KIF1A: variants seen among roughly 807,000 people sequenced by gnomAD.
KIF1A encodes the protein kinesin-like protein KIF1A.
In KIF1A, 46 loss-of-function variants were observed where a neutral mutation model predicts 227.3. The observed-to-expected ratio is 0.20, with a 90% CI of 0.16 to 0.26. The LOEUF (loss-of-function observed/expected upper bound fraction) is 0.26. KIF1A is among the 10% of genes least tolerant of loss of function. KIF1A has a pLI of 1.00. For missense variants in KIF1A, 1,683 were observed against 2,485.9 expected (o/e 0.68, Z 6.87); for synonymous variants, 1,022 against 1,012.8 (o/e 1.01, Z -0.17).
At chr2:240,750,599 G>A in intron 27 of KIF1A, 52 bp from the exon 28 acceptor site, 1 of 1,326,950 alleles carries the variant, frequency 7.5e-7, no homozygotes, top group South Asian at 1.2e-5. Flanking sequence ...CGCATGTTCT[G>A]AACGGCAGCG....
chr2:240,766,863 TC>T lies in KIF1A; in HGVS notation c.1684+51del. 1 of 1,311,746 alleles carries T rather than the reference TC, an allele frequency of 7.6e-7. No homozygotes were observed. The highest frequency in any genetic ancestry group is 2.5e-5 in the East Asian group (1 of 40,814). 81.3% of individuals were successfully genotyped at this position (1,311,746 alleles called of 1,614,324 possible). On this transcript the variant is annotated intron_variant, in intron 19 of 48. Transcript: ENST00000498729. This position sits in a 1 kb window ranked among gnomAD's most constrained non-coding sequence, Gnocchi z 5.0. Reference sequence around the variant, plus strand: ...AGAGGGTGACCTCATTCAGGCCTGATCATCACGGCACAGGGGCATGGGTGCG... The same window carrying T: ...AGAGGGTGACCTCATTCAGGCCTGATATCACGGCACAGGGGCATGGGTGCG...
chr2:240,743,822 G>T, intron 33 of KIF1A, 120 bp downstream of exon 33: 1 of 664,086 alleles, frequency 1.5e-6, no homozygotes, highest in Non-Finnish European at 2.6e-6. Flanking sequence ...TCCTGGATGG[G>T]CAGGGGAGGT....
intron 1 of KIF1A, among the ~76,000 whole-genome samples, chr2:240,815,957 T>C (rs2058284293): frequency 6.6e-6 from 1 of 152,060 alleles, no homozygotes; most frequent in African/African-American, 2.4e-5. Context: ...CTATGACCAG[T>C]GTTCTCTGTC....
In KIF1A at chr2:240,773,133, A is replaced by T. The variant is rs747490578; in HGVS notation, c.1161T>A (p.Gly387=). The change falls in exon 13 of 49, where the codon GGT becomes GGA. Residue 387 remains glycine (G), a synonymous_variant. Coordinates refer to ENST00000498729, the MANE Select transcript of KIF1A (RefSeq NM_001244008.2). ...TRLRDLLYAQ[G]LGDITDTNTV... ...ACTCACTGTCAGTGATGTCGCCAAGACCCTGGGCGTACAGAAGGTCCCGCA... is the reference window on the plus strand; with the variant it reads ...ACTCACTGTCAGTGATGTCGCCAAGTCCCTGGGCGTACAGAAGGTCCCGCA... 1.4e-5 allele frequency: 23 copies of T among 1,613,318 alleles called. No individual in the cohort carries two copies.
intron 1 of KIF1A, 193 bp from the exon 2 acceptor site, chr2:240,798,005 TG>T: frequency 2.4e-6 from 1 of 414,730 alleles, no homozygotes; most frequent in South Asian, 4.8e-5. Flanking sequence ...GCGGGACCAG[TG>T]GAACCCAGCT....
upstream of KIF1A, among the ~76,000 whole-genome samples, chr2:240,820,526 C>T (rs1182188943): frequency 2.6e-5 from 4 of 151,808 alleles, no homozygotes; most frequent in Admixed American, 2.6e-4. This position sits in a 1 kb window ranked among gnomAD's most constrained non-coding sequence, Gnocchi z 6.2. Flanking sequence ...AGGGACCCGG[C>T]GGCGCCCCGT....
rs998528102 is a variant in KIF1A, at chr2:240,718,683, G to T, written c.5214+323C>A. Among the ~76,000 whole-genome samples, 2 of 152,226 alleles carry T rather than the reference G, an allele frequency of 1.3e-5. 1 individual carries two copies. The highest frequency in any genetic ancestry group is 2.9e-5 in the Non-Finnish European group (2 of 68,030). On this transcript the variant is annotated intron_variant, in intron 47 of 48. Coordinates refer to ENST00000498729, the MANE Select transcript of KIF1A (RefSeq NM_001244008.2). ...GTGGCTCGCCCATTCCTGCAGGGCT[G>T]GTGCCACCCACCTTGGGTGACTCCG...
intron 1 of KIF1A, among the ~76,000 whole-genome samples, chr2:240,803,644 G>C (rs2057158554): frequency 6.6e-6 from 1 of 152,130 alleles, no homozygotes. Context: ...AATGCAAAAG[G>C]GTAAACAGTT....
At position 240,766,936 on chromosome 2, in the gene KIF1A, C is replaced by T. The variant is rs375972461; in HGVS notation, c.1663G>A (p.Asp555Asn). The stretch of plus-strand genomic sequence containing the variant: ...ATACCTTCGCTGCCTCCCCTGGAGT[C>T]GCTCCGGAAGACGCAGTGCTCCTCC... ...IKEEHCVFRS[D>N]SRGGSEAVVT... Residue 555 changes from aspartate (D) to asparagine (N), a missense_variant, in exon 19 of 49, where the codon GAC (aspartate) becomes AAC (asparagine). Transcript: ENST00000498729. The surrounding 1 kb of genome is among the most constrained non-coding windows in gnomAD (Gnocchi z 5.0). 492 of 1,610,898 alleles carry T rather than the reference C, an allele frequency of 3.1e-4. 1 individual carries two copies. Among genetic ancestry groups the T allele is most frequent in the Non-Finnish European group, 3.9e-4 (455 of 1,178,974 alleles).
chr2:240,777,137 G>A (rs995212834), intron 10 of KIF1A, among the ~76,000 whole-genome samples: 5 of 152,100 alleles, frequency 3.3e-5, no homozygotes, highest in African/African-American at 4.8e-5. Context: ...TCCGCCTCCC[G>A]GGTTCAAGCG....
At chr2:240,786,802 T>TCAGGACCCCTGAGTGAGGGGGTGGGGGAC in intron 5 of KIF1A, among the ~76,000 whole-genome samples, 1 of 30,350 alleles carries the variant, frequency 3.3e-5, no homozygotes, top group Admixed American at 2.8e-4. Flanking sequence ...GGGTGGGGGC[T>TCAGGACCCCTGAGTGAGGGGGTGGGGGAC]GCCATCAGGA....
At chr2:240,744,524 G>A (rs954437888) in intron 32 of KIF1A, among the ~76,000 whole-genome samples, 10 of 152,178 alleles carry the variant, frequency 6.6e-5, no homozygotes, top group Non-Finnish European at 1.2e-4. Flanking sequence ...CGGAGTTAAC[G>A]AGAGGTCATC....
In KIF1A at chr2:240,758,228, G is replaced by A; in HGVS notation, c.2582+132C>T. On this transcript the variant is annotated intron_variant, in intron 26 of 48. Coordinates refer to ENST00000498729, the MANE Select transcript of KIF1A (RefSeq NM_001244008.2). This position sits in a 1 kb window ranked among gnomAD's most constrained non-coding sequence, Gnocchi z 5.2. ...AGGAACCTCAGGCCAGGGAGGACAG[G>A]GCTGGGAATATGGGGCTGGAAAAGC... The A allele has an allele frequency of 9.9e-7, 1 of 1,013,162 alleles. No individual in the cohort carries two copies. The highest frequency in any genetic ancestry group is 1.6e-5 in the African/African-American group (1 of 61,174). The allele number at this position is 1,013,162 out of a possible 1,614,324, so 62.8% of individuals were successfully genotyped here.
intron 1 of KIF1A, among the ~76,000 whole-genome samples, chr2:240,819,487 G>A (rs1050214197): frequency 5.9e-4 from 90 of 152,230 alleles, no homozygotes; most frequent in African/African-American, 2.1e-3. Flanking sequence ...AACGAAGCGG[G>A]TGGCCAGGCC....
chr2:240,798,588 T>C (rs1374114080), intron 1 of KIF1A, among the ~76,000 whole-genome samples: 1 of 152,150 alleles, frequency 6.6e-6, no homozygotes, highest in Non-Finnish European at 1.5e-5. Flanking sequence ...GACGGGGTGG[T>C]GGTCAGGAAC....
upstream of KIF1A, among the ~76,000 whole-genome samples, chr2:240,820,934 A>G (rs1199933413): frequency 1.3e-5 from 2 of 151,510 alleles, no homozygotes; most frequent in East Asian, 3.9e-4. This position sits in a 1 kb window ranked among gnomAD's most constrained non-coding sequence, Gnocchi z 6.2. Flanking sequence ...GTCCAGTTTA[A>G]CTTCCTTGGA....
intron 15 of KIF1A, among the ~76,000 whole-genome samples, 198 bp downstream of exon 15, chr2:240,770,773 G>A (rs1024294457): frequency 6.6e-6 from 1 of 152,212 alleles, no homozygotes; most frequent in Non-Finnish European, 1.5e-5. Flanking sequence ...CAAGTGAACT[G>A]GCTGCCTTGG....
chr2:240,761,518 G>A (rs2050528263), intron 23 of KIF1A, 141 bp from the exon 24 acceptor site: 2 of 696,146 alleles, frequency 2.9e-6, no homozygotes, highest in Non-Finnish European at 4.3e-6. Flanking sequence ...ATCACGGCCG[G>A]GTGGTTATCA....
intron 46 of KIF1A, among the ~76,000 whole-genome samples, chr2:240,719,517 C>T (rs1361714856): frequency 1.3e-5 from 2 of 152,246 alleles, no homozygotes; most frequent in South Asian, 4.1e-4. Context: ...CTGACCCCAC[C>T]CACTCCCCTG....
Sources: gnomAD v4.1 joint callset for allele counts (sites outside exome capture counted in the v4.1 genomes callset) on GRCh38, gnomAD v4.1.1 for gene constraint, Gnocchi (gnomAD v3.1) non-coding constraint, MANE v1.5 for transcripts, NCBI Gene and HGNC (gene_info 2026-07-23, HGNC 2026-07-21) for gene names.